The following ABLIM1 variants were observed in gnomAD, a reference collection of about 807,000 sequenced individuals.
ABLIM1 encodes the protein actin binding LIM protein 1.
ABLIM1 carries 40 observed loss-of-function variants against 107.0 expected under a neutral mutation model. The ratio of observed to expected loss-of-function variants is 0.37; its 90% CI spans 0.29 to 0.49. The LOEUF (loss-of-function observed/expected upper bound fraction) is 0.49, where lower values mean the gene tolerates loss of function less well. ABLIM1 is among the 20% of genes least tolerant of loss of function. The pLI, the probability that ABLIM1 is intolerant of heterozygous loss-of-function variation, is 0.97. For missense variants in ABLIM1, 857 were observed against 1,008.5 expected (o/e 0.85, Z 2.04); for synonymous variants, 357 against 357.3 (o/e 1.00, Z 0.01).
chr10:114,598,237 G>A lies in ABLIM1; in HGVS notation c.379+3590C>T, dbSNP rs568249350. On this transcript the variant is annotated intron_variant, in intron 2 of 22. Transcript: ENST00000533213. ...TGCAGCGAGCCAAGATCACTCCACC[G>A]CACTCCAGCCTGGGCAACAAGAGTG... Among the ~76,000 whole-genome samples, 407 of 126,844 alleles carry A rather than the reference G, an allele frequency of 3.2e-3. 5 individuals carry two copies. The highest frequency in any genetic ancestry group is 0.011 in the African/African-American group (375 of 32,818). 83.2% of individuals were successfully genotyped at this position (126,844 alleles called of 152,430 possible).
At chr10:114,510,893 C>T (rs945585900) in intron 6 of ABLIM1, among the ~76,000 whole-genome samples, 10 of 151,956 alleles carry the variant, frequency 6.6e-5, no homozygotes, top group Non-Finnish European at 1.0e-4. Context: ...CTCAAGGGAT[C>T]ACCCGCCTCA....
intron 12 of ABLIM1, among the ~76,000 whole-genome samples, chr10:114,463,948 G>A (rs1267125171): frequency 2.6e-5 from 4 of 152,176 alleles, no homozygotes; most frequent in Admixed American, 2.0e-4. Context: ...TGTGAAAGGA[G>A]AGAAGGAGAA....
At chr10:114,454,018 G>A (rs920262927) in intron 12 of ABLIM1, among the ~76,000 whole-genome samples, 8 of 152,146 alleles carry the variant, frequency 5.3e-5, no homozygotes, top group Non-Finnish European at 1.0e-4. Flanking sequence ...CAATTGCAGC[G>A]TGTTTGCATA....
intron 1 of ABLIM1, among the ~76,000 whole-genome samples, chr10:114,721,230 A>G (rs2081838830): frequency 6.6e-6 from 1 of 152,124 alleles, no homozygotes; most frequent in Admixed American, 6.5e-5. Context: ...CAGCTTCCCT[A>G]GTTAGCAGTA....
chr10:114,660,035 A>C (rs1209667033), upstream of ABLIM1, among the ~76,000 whole-genome samples: 2 of 152,316 alleles, frequency 1.3e-5, no homozygotes, highest in East Asian at 1.9e-4. Flanking sequence ...GCACGGTGGG[A>C]ATGGAAGAAA....
At chr10:114,653,263 G>A (rs925161330) in intron 1 of ABLIM1, among the ~76,000 whole-genome samples, 2 of 152,210 alleles carry the variant, frequency 1.3e-5, no homozygotes, top group Admixed American at 6.5e-5. Flanking sequence ...TGGCACAGGC[G>A]AGGTATGGTG....
At chr10:114,443,318 CT>C (rs59039279) in intron 17 of ABLIM1, among the ~76,000 whole-genome samples, 29,881 of 145,866 alleles carry the variant, frequency 0.2, 3,379 homozygotes, top group African/African-American at 0.32. Context: ...GATTTTTTTT[CT>C]TTTTTTTTTT....
At chr10:114,798,565 C>T in the ABLIM1 span, among the ~76,000 whole-genome samples, 3 of 146,900 alleles carry the variant, frequency 2.0e-5, no homozygotes, top group South Asian at 4.6e-4. Context: ...GACCCCCCCC[C>T]CATGTCTACA....
chr10:114,465,540 G>C, intron 12 of ABLIM1, 158 bp downstream of exon 12: 1 of 756,808 alleles, frequency 1.3e-6, no homozygotes, highest in Non-Finnish European at 2.0e-6. Flanking sequence ...AGAAAAGATA[G>C]AGCATAAAAT....
At chr10:114,669,785 T>C (rs912999960) in intron 1 of ABLIM1, among the ~76,000 whole-genome samples, 2 of 152,164 alleles carry the variant, frequency 1.3e-5, no homozygotes, top group Non-Finnish European at 2.9e-5. Flanking sequence ...ATGGATCATC[T>C]GGAGCTCCGT....
chr10:114,686,353 T>TA (rs896199709), upstream of ABLIM1, among the ~76,000 whole-genome samples: 17 of 148,432 alleles, frequency 1.1e-4, no homozygotes, highest in Admixed American at 2.0e-4. Context: ...TACTAAAAAT[T>TA]AAAAAAAAAA....
upstream of ABLIM1, among the ~76,000 whole-genome samples, chr10:114,688,456 A>T (rs1429409994): frequency 6.6e-6 from 1 of 152,200 alleles, no homozygotes; most frequent in Non-Finnish European, 1.5e-5. Context: ...AGCCCAAATC[A>T]TTGGTCCTAT....
upstream of ABLIM1, among the ~76,000 whole-genome samples, chr10:114,687,700 GA>G (rs1204288054): frequency 6.6e-6 from 1 of 152,166 alleles, no homozygotes; most frequent in Non-Finnish European, 1.5e-5. Flanking sequence ...AAAAATAGCA[GA>G]TATCAGTAAC....
chr10:114,463,276 C>T (rs979922224), intron 12 of ABLIM1: 4 of 1,084,468 alleles, frequency 3.7e-6, no homozygotes, highest in African/African-American at 1.7e-5. Flanking sequence ...AAATAAAGAA[C>T]GTTAATCAGG....
chr10:114,575,621 T>A (rs775174365), intron 2 of ABLIM1, 22 bp from the exon 3 acceptor site: 1 of 1,606,118 alleles, frequency 6.2e-7, no homozygotes, highest in Admixed American at 1.7e-5. Flanking sequence ...CAAGTTCACA[T>A]CTGGTCATTA....
At chr10:114,750,952 T>C (rs2082497192) in intron 1 of ABLIM1, among the ~76,000 whole-genome samples, 2 of 152,240 alleles carry the variant, frequency 1.3e-5, no homozygotes, top group Admixed American at 1.3e-4. Flanking sequence ...CCTATCAGGA[T>C]TCTGAAGACT....
At chr10:114,788,425 A>G in the ABLIM1 span, among the ~76,000 whole-genome samples, 11 of 151,932 alleles carry the variant, frequency 7.2e-5, no homozygotes, top group South Asian at 4.1e-4. Context: ...AAAAAAAAAA[A>G]AAAGAAAGAA....
intron 1 of ABLIM1, among the ~76,000 whole-genome samples, chr10:114,741,675 A>T (rs2082291642): frequency 6.6e-6 from 1 of 152,212 alleles, no homozygotes; most frequent in Non-Finnish European, 1.5e-5. Flanking sequence ...ACATTCCCTG[A>T]TCCCTCTACC....
At chr10:114,798,581 TTA>T in the ABLIM1 span, among the ~76,000 whole-genome samples, 1 of 132,260 alleles carries the variant, frequency 7.6e-6, no homozygotes, top group Admixed American at 7.4e-5. Flanking sequence ...CTACAAAAAT[TTA>T]AAAAAAAAAT....
Sources: allele counts gnomAD v4.1 joint callset (sites outside exome capture counted in the v4.1 genomes callset), GRCh38; gene constraint gnomAD v4.1.1; transcripts MANE v1.5; gene names NCBI Gene and HGNC (gene_info 2026-07-23, HGNC 2026-07-21).